ATP2C2: variants seen among roughly 807,000 people sequenced by gnomAD.
ATP2C2 encodes ATPase secretory pathway Ca2+ transporting 2.
ATP2C2 carries 171 observed loss-of-function variants against 110.8 expected under a neutral mutation model. That is an observed-to-expected ratio of 1.54 (90% confidence interval 1.36 to 1.75). ATP2C2 has a LOEUF of 1.75. Ranked by LOEUF, ATP2C2 falls within the 40% of genes most tolerant of loss-of-function variation. The probability of loss-of-function intolerance (pLI) is 0.00; values close to 1 mark genes in which losing one functional copy is unlikely to be tolerated. For missense variants in ATP2C2, 1,963 were observed against 1,235.0 expected (o/e 1.59, Z -8.84); for synonymous variants, 804 against 508.4 (o/e 1.58, Z -7.82).
chr16:84,459,238 G>A (rs773662674), intron 22 of ATP2C2, 32 bp from the exon 23 acceptor site: 3 of 1,614,092 alleles, frequency 1.9e-6, no homozygotes, highest in South Asian at 1.1e-5. Flanking sequence ...CGCCTGGCGG[G>A]CGGCCGCTGA....
At chr16:84,415,374 T>C in intron 6 of ATP2C2, 109 bp from the exon 7 acceptor site, 1 of 882,098 alleles carries the variant, frequency 1.1e-6, no homozygotes, top group Non-Finnish European at 1.9e-6. Context: ...AGGGTTGGTG[T>C]ATATTAAAAG....
chr16:84,442,415 C>T (rs911871890), intron 14 of ATP2C2, 95 bp from the exon 15 acceptor site: 89 of 1,187,718 alleles, frequency 7.5e-5, no homozygotes, highest in Non-Finnish European at 1.0e-4. Context: ...GTCTTGTCCC[C>T]ACAACCCCAG....
intron 15 of ATP2C2, 93 bp downstream of exon 15, chr16:84,442,692 T>C: frequency 8.2e-7 from 1 of 1,226,186 alleles, no homozygotes; most frequent in South Asian, 1.2e-5. Flanking sequence ...CTAACAGGAG[T>C]GGGGACGTTA....
intron 7 of ATP2C2, among the ~76,000 whole-genome samples, chr16:84,418,289 C>A (rs1351472109): frequency 6.6e-6 from 1 of 152,152 alleles, no homozygotes; most frequent in African/African-American, 2.4e-5. Flanking sequence ...GCTATGGGTT[C>A]TGTTCCCCCG....
intron 6 of ATP2C2, 79 bp downstream of exon 6, chr16:84,410,844 A>C (rs906477951): frequency 1.4e-5 from 20 of 1,410,844 alleles, no homozygotes; most frequent in Non-Finnish European, 2.0e-5. Flanking sequence ...TGTTTGCTGA[A>C]AGTTGTATCC....
Position 84,446,396 on chromosome 16 carries a change from A to G in ATP2C2, c.1469A>G (p.Lys490Arg). ...KKEIPFSSEQ[K>R]WMAVKCSLKT... ...GAGATTCCATTCAGTTCAGAGCAGA[A>G]GTGGATGGCGGTGAAATGCAGTCTG... Residue 490 changes from lysine (K) to arginine (R), a missense_variant, in exon 16 of 27, where the codon AAG becomes AGG. Transcript: ENST00000262429. 1 of 1,607,888 alleles carries G rather than the reference A, an allele frequency of 6.2e-7. No homozygotes were observed. The highest frequency in any genetic ancestry group is 8.5e-7 in the Non-Finnish European group (1 of 1,177,724).
chr16:84,461,444 GAC>G (rs947846099), intron 24 of ATP2C2: 8 of 570,206 alleles, frequency 1.4e-5, no homozygotes, highest in Admixed American at 3.2e-5. Flanking sequence ...CTCCCAGGGA[GAC>G]AGTTACTTCC....
Position 84,410,800 on chromosome 16 carries a change from C to G in ATP2C2, c.515+35C>G, listed in dbSNP as rs201204729. 118 of 1,589,046 alleles carry G rather than the reference C, an allele frequency of 7.4e-5. No individual in the cohort carries two copies. The African/African-American group carries it at 1.4e-3, about 19-fold the overall frequency. Reference sequence around the variant, plus strand: ...AGCCTCCCTGGGACTTTTTGGTTCACTGGAGGAGCCAGGGAGCTGGAGAGT... The same window carrying G: ...AGCCTCCCTGGGACTTTTTGGTTCAGTGGAGGAGCCAGGGAGCTGGAGAGT... On this transcript the variant is annotated intron_variant, in intron 6 of 26. Transcript: ENST00000262429.
In ATP2C2 at chr16:84,425,821, C is replaced by G. The variant is rs186301171; in HGVS notation, c.986+20C>G. The stretch of plus-strand genomic sequence containing the variant: ...GGTCAGGTAAGAGTGCTATGGCCGC[C>G]CCTTGCCTTGCCAGGGTGGTCAATG... On this transcript the variant is annotated intron_variant, in intron 11 of 26. Coordinates refer to ENST00000262429, the MANE Select transcript of ATP2C2 (RefSeq NM_014861.4). The G allele has an allele frequency of 5.3e-5, 85 of 1,613,464 alleles. No individual in the cohort carries two copies. In the African/African-American group the frequency reaches 9.5e-4, roughly 18 times the overall value.
intron 3 of ATP2C2, among the ~76,000 whole-genome samples, chr16:84,408,126 G>GGA (rs932750463): frequency 6.2e-4 from 95 of 152,318 alleles, no homozygotes; most frequent in African/African-American, 2.1e-3. Context: ...GGAGCGTCAT[G>GGA]GAGATGTGGA....
chr16:84,415,829 G>A (rs377212001), intron 7 of ATP2C2, among the ~76,000 whole-genome samples: 3 of 152,288 alleles, frequency 2.0e-5, no homozygotes, highest in Non-Finnish European at 2.9e-5. Flanking sequence ...TTGGCTATAC[G>A]ATTTTCCAGT....
intron 1 of ATP2C2, among the ~76,000 whole-genome samples, chr16:84,391,644 C>T (rs1406198038): frequency 6.6e-6 from 1 of 152,142 alleles, no homozygotes; most frequent in Non-Finnish European, 1.5e-5. Context: ...TCAGCCACCG[C>T]CAGAAACTGG....
intron 7 of ATP2C2, among the ~76,000 whole-genome samples, chr16:84,420,522 T>G (rs1025397694): frequency 1.3e-5 from 2 of 151,788 alleles, no homozygotes; most frequent in African/African-American, 4.8e-5. Flanking sequence ...GTTTTAGATT[T>G]GTGGGAAAAT....
At chr16:84,388,138 C>G (rs577901802) in intron 1 of ATP2C2, among the ~76,000 whole-genome samples, 337 of 152,142 alleles carry the variant, frequency 2.2e-3, no homozygotes, top group African/African-American at 7.3e-3. Context: ...CCAGCCTGGC[C>G]AAATGGTGAA....
chr16:84,418,708 T>G (rs1403325480), intron 7 of ATP2C2, among the ~76,000 whole-genome samples: 1 of 152,176 alleles, frequency 6.6e-6, no homozygotes, highest in Non-Finnish European at 1.5e-5. Context: ...CCCATGTCCT[T>G]ACCCCCAGGA....
Position 84,408,595 on chromosome 16 carries a change from G to A in ATP2C2, c.417+101G>A, listed in dbSNP as rs574408951. 1.0e-5 allele frequency: 9 copies of A among 884,214 alleles called. No homozygotes were observed. In the Admixed American group the frequency reaches 1.8e-4, roughly 17 times the overall value. The allele number at this position is 884,214 out of a possible 1,614,324, so 54.8% of individuals were successfully genotyped here. A position where few individuals can be genotyped will look rare whatever the true frequency, so the allele number is the denominator to read the frequency against. ...AAAGAAAAAAAAGAGTTTGCTGTAG[G>A]GGGGAAAAAGGAGCATACAGAAGAA... On this transcript the variant is annotated intron_variant, in intron 4 of 26. Transcript: ENST00000262429.
Position 84,461,970 on chromosome 16 carries a change from G to T in ATP2C2, c.2581-18G>T. 6.2e-7 allele frequency: 1 copy of T among 1,612,136 alleles called. No homozygotes were observed. Among genetic ancestry groups the T allele is most frequent in the South Asian group, 1.1e-5 (1 of 90,992 alleles). ...GTGTGGACAGCACACAATCCCCCGTGTGACCTTCTCCCTGCAGACCAAGCT... is the reference window on the plus strand; with the variant it reads ...GTGTGGACAGCACACAATCCCCCGTTTGACCTTCTCCCTGCAGACCAAGCT... On this transcript the variant is annotated intron_variant, in intron 25 of 26. Coordinates refer to ENST00000262429, the MANE Select transcript of ATP2C2 (RefSeq NM_014861.4).
chr16:84,454,673 C>T (rs1263386043), intron 20 of ATP2C2, 145 bp from the exon 21 acceptor site: 4 of 833,908 alleles, frequency 4.8e-6, no homozygotes, highest in Admixed American at 3.6e-5. Context: ...CGCCCAATTC[C>T]CACAGCTAAT....
At chr16:84,418,260 G>A (rs1907012473) in intron 7 of ATP2C2, among the ~76,000 whole-genome samples, 1 of 152,160 alleles carries the variant, frequency 6.6e-6, no homozygotes, top group Admixed American at 6.5e-5. Context: ...TTCAGGCTCG[G>A]CCTGCCGCCT....
Sources: gnomAD v4.1 joint callset for allele counts (sites outside exome capture counted in the v4.1 genomes callset) on GRCh38, gnomAD v4.1.1 for gene constraint, MANE v1.5 for transcripts, NCBI Gene and HGNC (gene_info 2026-07-23, HGNC 2026-07-21) for gene names.